The following GNA14 variants were observed in gnomAD, a reference collection of about 807,000 sequenced individuals.
GNA14 encodes the protein guanine nucleotide-binding protein subunit alpha-14.
A neutral mutation model predicts 42.0 loss-of-function variants in GNA14; 50 were observed. The ratio of observed to expected loss-of-function variants is 1.19; its 90% CI spans 0.95 to 1.51. The LOEUF (loss-of-function observed/expected upper bound fraction) is 1.51. GNA14 is among the 40% of genes most tolerant of loss of function. The pLI is 0.00. For synonymous variants in GNA14, 173 were observed against 163.1 expected, an observed-to-expected ratio of 1.06 and a Z score of -0.46; for missense variants, 473 against 446.2, an observed-to-expected ratio of 1.06 and a Z score of -0.54.
chr9:77,535,891 T>C (rs1837590945), intron 1 of GNA14, among the ~76,000 whole-genome samples: 1 of 3,752 alleles, frequency 2.7e-4, no homozygotes, highest in Non-Finnish European at 4.8e-4. Context: ...TTAGTTGTTT[T>C]GTTTTTTTTT....
At chr9:77,538,203 T>TG (rs1837620364) in intron 1 of GNA14, among the ~76,000 whole-genome samples, 2 of 152,176 alleles carry the variant, frequency 1.3e-5, no homozygotes, top group African/African-American at 4.8e-5. Flanking sequence ...CCCAAGTAGC[T>TG]GGGACTACAG....
chr9:77,439,705 G>A (rs567585513), intron 2 of GNA14, among the ~76,000 whole-genome samples: 145 of 152,204 alleles, frequency 9.5e-4, no homozygotes, highest in Non-Finnish European at 1.7e-3. Context: ...GGTTTGGCAA[G>A]CAGCTCATCC....
At chr9:77,629,784 C>T (rs907858448) in intron 1 of GNA14, among the ~76,000 whole-genome samples, 2 of 152,050 alleles carry the variant, frequency 1.3e-5, no homozygotes, top group East Asian at 1.9e-4. Context: ...ATGTAGATGA[C>T]GGGTTGATGG....
intron 1 of GNA14, among the ~76,000 whole-genome samples, chr9:77,559,822 C>T (rs1159239942): frequency 6.6e-6 from 1 of 152,188 alleles, no homozygotes; most frequent in African/African-American, 2.4e-5. Context: ...TTTGGAGGTG[C>T]AGTCATGGCT....
intron 1 of GNA14, among the ~76,000 whole-genome samples, chr9:77,567,375 T>G (rs1029667397): frequency 6.6e-6 from 1 of 152,186 alleles, no homozygotes; most frequent in African/African-American, 2.4e-5. Context: ...CTTATCAGTC[T>G]CCTCTGCTGT....
intron 1 of GNA14, among the ~76,000 whole-genome samples, chr9:77,568,657 CA>C (rs1823010554): frequency 6.6e-6 from 1 of 152,176 alleles, no homozygotes. Flanking sequence ...GAGCCCCTCA[CA>C]ACAGTTAACC....
chr9:77,557,642 G>A (rs890577380), intron 1 of GNA14, among the ~76,000 whole-genome samples: 5 of 152,300 alleles, frequency 3.3e-5, no homozygotes, highest in African/African-American at 1.2e-4. Flanking sequence ...CTATAAGGAA[G>A]AAAGCTAAGT....
chr9:77,446,125 G>A (rs536179046), intron 2 of GNA14, among the ~76,000 whole-genome samples: 2 of 152,148 alleles, frequency 1.3e-5, no homozygotes, highest in Admixed American at 1.3e-4. Context: ...CAGGGCTCAC[G>A]GGAGCTCTCA....
At chr9:77,554,206 T>A (rs1385492761) in intron 1 of GNA14, among the ~76,000 whole-genome samples, 1 of 152,158 alleles carries the variant, frequency 6.6e-6, no homozygotes, top group Admixed American at 6.5e-5. Flanking sequence ...TTTAAAAGTG[T>A]CTCTGTTACT....
At chr9:77,531,394 A>G (rs973470850) in intron 1 of GNA14, among the ~76,000 whole-genome samples, 7 of 152,162 alleles carry the variant, frequency 4.6e-5, no homozygotes, top group African/African-American at 1.7e-4. Flanking sequence ...CACAAACCCT[A>G]TATGAGAAGT....
At chr9:77,598,827 G>A (rs17788791) in intron 1 of GNA14, among the ~76,000 whole-genome samples, 13,334 of 152,138 alleles carry the variant, frequency 0.088, 803 homozygotes, top group Admixed American at 0.18. Flanking sequence ...TCGTCTTTAG[G>A]AGCCCCCAAT....
At chr9:77,628,374 T>G (rs1824044031) in intron 1 of GNA14, among the ~76,000 whole-genome samples, 1 of 152,176 alleles carries the variant, frequency 6.6e-6, no homozygotes, top group Non-Finnish European at 1.5e-5. Flanking sequence ...CTTCACAGAA[T>G]TAGAAAAAAC....
chr9:77,428,269 C>T (rs969939598), intron 5 of GNA14, among the ~76,000 whole-genome samples: 14 of 151,758 alleles, frequency 9.2e-5, no homozygotes, highest in Admixed American at 2.6e-4. Flanking sequence ...TTAGTAGAGA[C>T]GGGGTTTCAC....
chr9:77,555,608 G>T (rs1273703550), intron 1 of GNA14, among the ~76,000 whole-genome samples: 1 of 152,156 alleles, frequency 6.6e-6, no homozygotes, highest in Non-Finnish European at 1.5e-5. Flanking sequence ...TAAAAGGCAA[G>T]CAGATGATTG....
At chr9:77,506,052 C>A (rs1265906247) in intron 2 of GNA14, among the ~76,000 whole-genome samples, 1 of 150,814 alleles carries the variant, frequency 6.6e-6, no homozygotes, top group Non-Finnish European at 1.5e-5. Flanking sequence ...TCACTTGAGG[C>A]CAGGAGTTCA....
chr9:77,424,230 AC>A (rs1489941016), intron 6 of GNA14, 61 bp from the exon 7 acceptor site: 1 of 1,235,708 alleles, frequency 8.1e-7, no homozygotes, highest in Non-Finnish European at 1.1e-6. Context: ...CCTCCCAAGA[AC>A]CTTTTTTTTG....
intron 2 of GNA14, among the ~76,000 whole-genome samples, chr9:77,490,679 C>T (rs7027233): frequency 0.55 from 82,939 of 152,106 alleles, 23,007 homozygotes; most frequent in East Asian, 0.82. Context: ...GCTCCGAGTG[C>T]GGGGCCTGCC....
rs571677197 is a variant in GNA14, at chr9:77,508,091, C to T, written c.309+20978G>A. On this transcript the variant is annotated intron_variant, in intron 2 of 6. Transcript: ENST00000341700. ...TGAAGAAACTCTCCACTACTCTGTC[C>T]GCTTCCCTGCTCTCTCTCATTCTCT... Among the ~76,000 whole-genome samples the T allele has an allele frequency of 7.2e-5, 11 of 152,204 alleles. No individual in the cohort carries two copies. In the South Asian group the frequency reaches 1.7e-3, roughly 23 times the overall value.
At chr9:77,482,193 G>C (rs368583293) in intron 2 of GNA14, among the ~76,000 whole-genome samples, 1 of 152,136 alleles carries the variant, frequency 6.6e-6, no homozygotes, top group Non-Finnish European at 1.5e-5. Context: ...GGTACCAGTT[G>C]TTCCTTTCCA....
Sources: allele counts gnomAD v4.1 joint callset (sites outside exome capture counted in the v4.1 genomes callset), GRCh38; gene constraint gnomAD v4.1.1; transcripts MANE v1.5; gene names NCBI Gene and HGNC (gene_info 2026-07-23, HGNC 2026-07-21).